Variants in RAPGEF2 observed in about 807,000 individuals in gnomAD.
RAPGEF2 encodes Rap guanine nucleotide exchange factor 2.
A neutral mutation model predicts 186.7 loss-of-function variants in RAPGEF2; 54 were observed. The observed-to-expected ratio is 0.29, with a 90% CI of 0.23 to 0.36. The LOEUF (loss-of-function observed/expected upper bound fraction) is 0.36, where lower values mean the gene tolerates loss of function less well. Ranked by LOEUF, RAPGEF2 falls within the 10% of genes least tolerant of loss-of-function variation. RAPGEF2 has a pLI of 1.00. For synonymous variants in RAPGEF2, 712 were observed against 705.9 expected (o/e 1.01, Z -0.14); for missense variants, 1,532 against 2,045.0 (o/e 0.75, Z 4.84).
chr4:159,253,679 T>C (rs549416677), intron 7 of RAPGEF2, among the ~76,000 whole-genome samples: 63 of 152,246 alleles, frequency 4.1e-4, no homozygotes, highest in African/African-American at 1.3e-3. Flanking sequence ...ATGAAAATGT[T>C]TTTCTGTGGC....
chr4:159,208,286 T>C (rs1312481741), intron 3 of RAPGEF2, among the ~76,000 whole-genome samples: 1 of 152,244 alleles, frequency 6.6e-6, no homozygotes, highest in East Asian at 1.9e-4. Context: ...CTTTTTAATG[T>C]CACAATACAG....
rs565637372 is a variant in RAPGEF2 at position 159,213,426 on chromosome 4, C to T, written c.281+2843C>T. On this transcript the variant is annotated intron_variant, in intron 4 of 29. Coordinates refer to ENST00000691494, the MANE Select transcript of RAPGEF2 (RefSeq NM_001394067.2). ...GGTTATCAGTATATAATAAGTCAAC[C>T]AAGCATTCTCTTGAAAGTGCCAACT... 1.8e-4 allele frequency among the ~76,000 whole-genome samples: 27 copies of T among 152,278 alleles called. No individual in the cohort carries two copies. The South Asian group carries it at 5.6e-3, about 32-fold the overall frequency.
At chr4:159,192,941 G>A (rs1446153492) in intron 2 of RAPGEF2, among the ~76,000 whole-genome samples, 1 of 152,010 alleles carries the variant, frequency 6.6e-6, no homozygotes, top group Non-Finnish European at 1.5e-5. Context: ...TACACACAAT[G>A]TTCTTCCCCA....
chr4:159,246,943 A>G (rs1164481058), intron 7 of RAPGEF2, among the ~76,000 whole-genome samples: 2 of 152,288 alleles, frequency 1.3e-5, no homozygotes, highest in East Asian at 1.9e-4. Context: ...GCTATAATTT[A>G]TATGATATTT....
chr4:159,219,490 G>T (rs1751318785), intron 4 of RAPGEF2, among the ~76,000 whole-genome samples: 1 of 151,310 alleles, frequency 6.6e-6, no homozygotes, highest in Non-Finnish European at 1.5e-5. Context: ...CGAGTAGCTG[G>T]GACTACAGGC....
At chr4:159,106,318 T>C (rs1737879025) in intron 1 of RAPGEF2, among the ~76,000 whole-genome samples, 1 of 152,256 alleles carries the variant, frequency 6.6e-6, no homozygotes, top group East Asian at 1.9e-4. Context: ...TTTATTTCTT[T>C]TCAAGAGAAA....
chr4:159,168,852 G>GT (rs1370713277), intron 1 of RAPGEF2, among the ~76,000 whole-genome samples: 1 of 152,206 alleles, frequency 6.6e-6, no homozygotes, highest in Non-Finnish European at 1.5e-5. Flanking sequence ...AAGAATATAT[G>GT]TGATAGGATA....
At position 159,338,487 on chromosome 4, in the gene RAPGEF2, T is replaced by G; in HGVS notation, c.2293+19T>G. On this transcript the variant is annotated intron_variant, in intron 18 of 29. Coordinates refer to ENST00000691494, the MANE Select transcript of RAPGEF2 (RefSeq NM_001394067.2). ...ACTCCTGGTGAGTATCACCAACACT[T>G]CTTTTGTTTTCTTATAGTTATCTTT... 1 of 1,585,744 alleles carries G rather than the reference T, an allele frequency of 6.3e-7. No individual in the cohort carries two copies. Among genetic ancestry groups the G allele is most frequent in the African/African-American group, 1.3e-5 (1 of 74,146 alleles).
At chr4:159,344,538 A>G (rs1288619780) in intron 23 of RAPGEF2, among the ~76,000 whole-genome samples, 1 of 152,176 alleles carries the variant, frequency 6.6e-6, no homozygotes, top group Non-Finnish European at 1.5e-5. Context: ...GTATAAACCA[A>G]TCCTTTTTAA....
Position 159,356,100 on chromosome 4 carries a change from C to T in RAPGEF2, c.4899C>T (p.Asn1633=), listed in dbSNP as rs573018319. The T allele has an allele frequency of 8.7e-6, 14 of 1,614,090 alleles. No homozygotes were observed. Among genetic ancestry groups the T allele is most frequent in the South Asian group, 3.3e-5 (3 of 91,090 alleles). ...PVNKPQWHKP[N]ESDPRLAPYQ... ...ACAAACCTCAGTGGCATAAACCGAA[C>T]GAGTCTGACCCGCGCCTCGCCCCCT... The change falls in exon 29 of 30, where the codon AAC becomes AAT. Residue 1633 remains asparagine (N), a synonymous_variant. Transcript: ENST00000691494.
chr4:159,246,501 A>G (rs1561139229), intron 7 of RAPGEF2, among the ~76,000 whole-genome samples: 1 of 152,178 alleles, frequency 6.6e-6, no homozygotes, highest in South Asian at 2.1e-4. Flanking sequence ...AGATATAACC[A>G]TTCCTAGGAT....
intron 7 of RAPGEF2, 43 bp from the exon 8 acceptor site, chr4:159,304,299 T>C (rs1763022911): frequency 1.3e-6 from 2 of 1,526,410 alleles, no homozygotes; most frequent in Non-Finnish European, 9.0e-7. Flanking sequence ...CTTGGAGTTC[T>C]TGATTCAGAT....
chr4:159,171,625 G>GC (rs973767003), intron 1 of RAPGEF2, among the ~76,000 whole-genome samples: 16 of 152,150 alleles, frequency 1.1e-4, no homozygotes, highest in Admixed American at 4.6e-4. Context: ...CTATACCAAG[G>GC]CCCAGAGTTC....
chr4:159,174,850 G>A (rs1023369053), intron 1 of RAPGEF2, among the ~76,000 whole-genome samples: 4 of 151,390 alleles, frequency 2.6e-5, no homozygotes, highest in African/African-American at 4.9e-5. Flanking sequence ...TTAACTTCCC[G>A]GGCTCAAGTG....
chr4:159,318,052 A>G (rs958904523), intron 9 of RAPGEF2, among the ~76,000 whole-genome samples: 1 of 147,874 alleles, frequency 6.8e-6, no homozygotes, highest in Non-Finnish European at 1.5e-5. Context: ...ATAAAAAGCC[A>G]TCTTTAAAAA....
At chr4:159,297,725 C>T (rs1382529624) in intron 7 of RAPGEF2, among the ~76,000 whole-genome samples, 1 of 152,068 alleles carries the variant, frequency 6.6e-6, no homozygotes, top group Non-Finnish European at 1.5e-5. Flanking sequence ...TTGGCTTCTT[C>T]GTTTCCACCG....
At chr4:159,140,276 GT>G (rs1256694100) in intron 1 of RAPGEF2, among the ~76,000 whole-genome samples, 3 of 152,122 alleles carry the variant, frequency 2.0e-5, no homozygotes, top group African/African-American at 7.2e-5. Flanking sequence ...ATAGCCATTT[GT>G]TTTTACATTT....
chr4:159,130,832 C>T (rs1372250768), intron 1 of RAPGEF2, among the ~76,000 whole-genome samples: 1 of 151,436 alleles, frequency 6.6e-6, no homozygotes, highest in Non-Finnish European at 1.5e-5. Flanking sequence ...ACCACAGCCT[C>T]CCAAGTAGCT....
At chr4:159,188,991 A>G (rs28375566) in intron 2 of RAPGEF2, among the ~76,000 whole-genome samples, 2,366 of 150,786 alleles carry the variant, frequency 0.016, 72 homozygotes, top group African/African-American at 0.055. Context: ...AGGATACCAC[A>G]TACATAATAA....
Sources: allele counts gnomAD v4.1 joint callset (sites outside exome capture counted in the v4.1 genomes callset), GRCh38; gene constraint gnomAD v4.1.1; transcripts MANE v1.5; gene names NCBI Gene and HGNC (gene_info 2026-07-23, HGNC 2026-07-21).